Variants in CEMIP observed in about 807,000 individuals in gnomAD.
The protein encoded by CEMIP is cell migration-inducing and hyaluronan-binding protein.
CEMIP carries 105 observed loss-of-function variants against 156.9 expected under a neutral mutation model. The ratio of observed to expected loss-of-function variants is 0.67; its 90% CI spans 0.57 to 0.79. The LOEUF (loss-of-function observed/expected upper bound fraction) is 0.79, where lower values mean the gene tolerates loss of function less well. CEMIP is among the 30% of genes least tolerant of loss of function. The pLI, the probability that CEMIP is intolerant of heterozygous loss-of-function variation, is 0.00. For synonymous variants in CEMIP, 676 were observed against 668.4 expected (o/e 1.01, Z -0.17); for missense variants, 1,457 against 1,769.4 (o/e 0.82, Z 3.17).
At position 80,924,379 on chromosome 15, in the gene CEMIP, A is replaced by G. The variant is rs112481061; in HGVS notation, c.2203-242A>G. ...CTTGGACAACATACATAACCTCTCT[A>G]GACCTCAGTTTCCAAATCTGCTCCT... On this transcript the variant is annotated intron_variant, in intron 17 of 29. Coordinates refer to ENST00000394685, the MANE Select transcript of CEMIP (RefSeq NM_001293298.2). 1.7e-3 allele frequency among the ~76,000 whole-genome samples: 263 copies of G among 152,360 alleles called. 2 individuals carry two copies. Among genetic ancestry groups the G allele is most frequent in the African/African-American group, 4.1e-3 (171 of 41,582 alleles).
chr15:80,937,979 G>T lies in CEMIP; in HGVS notation c.3407G>T (p.Gly1136Val). ...CACTACTACTGGGACGAGGACTCAG[G>T]GTGAGCAGGCGCCCACTTGGCTGCA... ...RSHYYWDEDS[G>V]LLFLKLKAQN... The change falls in exon 25 of 30, where the codon GGG becomes GTG. Residue 1136 changes from glycine (G) to valine (V), a missense_variant and splice_region_variant. This residue lies in a region of CEMIP where 798 missense variants were observed against 980.1 expected (regional missense o/e 0.81). Transcript: ENST00000394685. 1 of 1,613,252 alleles carries T rather than the reference G, an allele frequency of 6.2e-7. No individual in the cohort carries two copies. Among genetic ancestry groups the T allele is most frequent in the Non-Finnish European group, 8.5e-7 (1 of 1,179,648 alleles).
At chr15:80,913,043 C>T (rs1253797005) in intron 14 of CEMIP, among the ~76,000 whole-genome samples, 1 of 152,048 alleles carries the variant, frequency 6.6e-6, no homozygotes, top group Non-Finnish European at 1.5e-5. Flanking sequence ...TGTAGGTGTG[C>T]AGAGCTGAGA....
Position 80,948,928 on chromosome 15 carries a change from C to G in CEMIP, c.*4C>G. 6.2e-7 allele frequency: 1 copy of G among 1,614,230 alleles called. No homozygotes were observed. The highest frequency in any genetic ancestry group is 1.6e-4 in the Middle Eastern group (1 of 6,062). On this transcript the variant is annotated 3_prime_UTR_variant, in exon 30 of 30. Transcript: ENST00000394685. ...GGTGAAGAAGAAGAAGTTGTGAGGA[C>G]AGCTGCCGCCCGGTGCCACCTCGTG...
intron 1 of CEMIP, among the ~76,000 whole-genome samples, chr15:80,852,729 G>A (rs1416531523): frequency 1.3e-5 from 2 of 152,134 alleles, no homozygotes; most frequent in African/African-American, 4.8e-5. Context: ...CAGGACCCTG[G>A]AGAACAGCCA....
chr15:80,879,734 A>G lies in CEMIP; in HGVS notation c.260A>G (p.Asp87Gly). 1 of 1,614,178 alleles carries G rather than the reference A, an allele frequency of 6.2e-7. No individual in the cohort carries two copies. Among genetic ancestry groups the G allele is most frequent in the South Asian group, 1.1e-5 (1 of 91,082 alleles). The change falls in exon 5 of 30, where the codon GAC becomes GGC. Residue 87 changes from aspartate (D) to glycine (G), a missense_variant. By Grantham distance (94) the Asp-to-Gly change is moderately conservative. Coordinates refer to ENST00000394685, the MANE Select transcript of CEMIP (RefSeq NM_001293298.2). ...TCTTCAGGCAAGCTGGTCATTAAAG[A>G]CCACGACGAGCCGATTGTTTTGCGA... ...ISEGGKLVIK[D>G]HDEPIVLRTR...
rs751210792 is a variant in CEMIP, at chr15:80,889,483, C to T, written c.977C>T (p.Thr326Met). The T allele has an allele frequency of 1.5e-5, 25 of 1,613,978 alleles. No homozygotes were observed. Among genetic ancestry groups the T allele is most frequent in the Admixed American group, 6.7e-5 (4 of 60,010 alleles). Residue 326 changes from threonine to methionine, a missense_variant, in exon 10 of 30, where the codon ACG becomes ATG. Physicochemically the swap from Thr to Met is moderately conservative, Grantham distance 81. Transcript: ENST00000394685. The stretch of plus-strand genomic sequence containing the variant: ...GCTTTCTGCCTAGACGTGGAGTGGA[C>T]GGAGTGGTTCGATCATGATAAAGTA... ...SSEWVQDVEW[T>M]EWFDHDKVSQ...
At chr15:80,831,476 G>T (rs1043192555) in intron 1 of CEMIP, among the ~76,000 whole-genome samples, 3 of 152,114 alleles carry the variant, frequency 2.0e-5, no homozygotes, top group African/African-American at 7.2e-5. Flanking sequence ...GGGCTAAGTT[G>T]GGGGGACAGG....
intron 1 of CEMIP, among the ~76,000 whole-genome samples, chr15:80,847,144 G>T (rs1035837158): frequency 1.3e-5 from 2 of 152,170 alleles, no homozygotes; most frequent in Non-Finnish European, 2.9e-5. Flanking sequence ...GACCTCCCCA[G>T]CTCAAGCCAT....
intron 25 of CEMIP, 197 bp downstream of exon 25, chr15:80,938,176 A>G: frequency 1.7e-6 from 1 of 582,298 alleles, no homozygotes; most frequent in Non-Finnish European, 3.1e-6. Flanking sequence ...AAAGTAAAAT[A>G]AACACCCTAT....
chr15:80,943,465 C>T (rs777776286), intron 28 of CEMIP, among the ~76,000 whole-genome samples: 31 of 152,350 alleles, frequency 2.0e-4, no homozygotes, highest in Admixed American at 9.8e-4. Flanking sequence ...CCTTCCTAAG[C>T]ACCAGACATT....
At chr15:80,855,820 G>A (rs1897840350) in intron 1 of CEMIP, among the ~76,000 whole-genome samples, 2 of 152,156 alleles carry the variant, frequency 1.3e-5, no homozygotes, top group Non-Finnish European at 2.9e-5. Context: ...ACCGCACCCA[G>A]CCCGTGCCTT....
chr15:80,852,508 C>T (rs1184710912), intron 1 of CEMIP, among the ~76,000 whole-genome samples: 1 of 152,026 alleles, frequency 6.6e-6, no homozygotes, highest in Non-Finnish European at 1.5e-5. Context: ...AGTTGCGTAT[C>T]GAAGACAGCA....
intron 1 of CEMIP, among the ~76,000 whole-genome samples, chr15:80,830,792 T>C (rs1334600539): frequency 6.6e-6 from 1 of 152,142 alleles, no homozygotes; most frequent in Admixed American, 6.5e-5. Context: ...GTGTGGAGGA[T>C]GCAGATGACC....
intron 21 of CEMIP, among the ~76,000 whole-genome samples, chr15:80,931,084 G>A (rs1253148111): frequency 6.6e-6 from 1 of 152,142 alleles, no homozygotes; most frequent in African/African-American, 2.4e-5. Context: ...AAATCTTCAA[G>A]TCACCAGTTC....
chr15:80,812,638 A>G (rs940151527), intron 1 of CEMIP, among the ~76,000 whole-genome samples: 2 of 152,112 alleles, frequency 1.3e-5, no homozygotes, highest in African/African-American at 4.8e-5. Context: ...TGATATTTTA[A>G]ATTACATTGG....
chr15:80,883,862 C>A (rs1898744270), intron 6 of CEMIP, among the ~76,000 whole-genome samples: 1 of 152,190 alleles, frequency 6.6e-6, no homozygotes, highest in Admixed American at 6.5e-5. Flanking sequence ...ATCAAAAGGC[C>A]TAGACCTCAA....
At chr15:80,929,246 T>C in intron 21 of CEMIP, 72 bp downstream of exon 21, 2 of 1,563,254 alleles carry the variant, frequency 1.3e-6, no homozygotes, top group South Asian at 2.2e-5. Flanking sequence ...AGGGAAAAAG[T>C]TAATGGGTAG....
chr15:80,855,470 C>T (rs1326080271), intron 1 of CEMIP, among the ~76,000 whole-genome samples: 1 of 151,924 alleles, frequency 6.6e-6, no homozygotes, highest in Non-Finnish European at 1.5e-5. Flanking sequence ...GTTCTCACTG[C>T]ATTTTGGTAG....
chr15:80,787,554 C>T (rs878993863), intron 1 of CEMIP, among the ~76,000 whole-genome samples: 3 of 152,240 alleles, frequency 2.0e-5, no homozygotes, highest in Admixed American at 2.0e-4. Flanking sequence ...CAGCCCACAT[C>T]ACCATAGCAA....
Sources: allele counts gnomAD v4.1 joint callset (sites outside exome capture counted in the v4.1 genomes callset), GRCh38; gene constraint gnomAD v4.1.1; regional missense constraint gnomAD v4.1.1; transcripts MANE v1.5; gene names NCBI Gene and HGNC (gene_info 2026-07-23, HGNC 2026-07-21).